CTIF: variants seen among roughly 807,000 people sequenced by gnomAD.
CTIF encodes the protein CBP80/20-dependent translation initiation factor.
In CTIF, 21 loss-of-function variants were observed where a neutral mutation model predicts 66.0. The ratio of observed to expected loss-of-function variants is 0.32; its 90% confidence interval spans 0.23 to 0.46. The LOEUF (loss-of-function observed/expected upper bound fraction) is 0.46. CTIF is among the 20% of genes least tolerant of loss of function. The probability of loss-of-function intolerance (pLI) is 1.00; values close to 1 mark genes in which losing one functional copy is unlikely to be tolerated. For missense variants in CTIF, 739 were observed against 812.7 expected (o/e 0.91, Z 1.10); for synonymous variants, 345 against 326.4 (o/e 1.06, Z -0.62).
At chr18:48,717,449 T>TAAA (rs1568161095) in intron 7 of CTIF, among the ~76,000 whole-genome samples, 4 of 142,374 alleles carry the variant, frequency 2.8e-5, no homozygotes, top group Non-Finnish European at 6.2e-5. Flanking sequence ...AAATAAATAA[T>TAAA]AAGAATTTTG....
At chr18:48,757,846 G>A in intron 7 of CTIF, 73 bp from the exon 8 acceptor site, 1 of 1,528,312 alleles carries the variant, frequency 6.5e-7, no homozygotes, top group Non-Finnish European at 8.8e-7. Flanking sequence ...TTCCTGTTCT[G>A]GCGGCTGGGC....
At chr18:48,775,942 C>T (rs1281065675) in intron 9 of CTIF, among the ~76,000 whole-genome samples, 2 of 152,202 alleles carry the variant, frequency 1.3e-5, no homozygotes, top group African/African-American at 2.4e-5. Flanking sequence ...CACACTGGCC[C>T]GTTCATTTTG....
intron 1 of CTIF, among the ~76,000 whole-genome samples, chr18:48,563,762 G>A (rs1372656975): frequency 3.3e-5 from 5 of 152,188 alleles, no homozygotes; most frequent in Non-Finnish European, 2.9e-5. Flanking sequence ...GTGAGCCACC[G>A]TGCCTGGCCC....
At chr18:48,765,091 A>G (rs944773358) in intron 9 of CTIF, among the ~76,000 whole-genome samples, 1 of 152,162 alleles carries the variant, frequency 6.6e-6, no homozygotes, top group Admixed American at 6.5e-5. Flanking sequence ...CAAACCCGAG[A>G]GGTGCAAGAA....
intron 1 of CTIF, among the ~76,000 whole-genome samples, chr18:48,543,108 A>G (rs997446290): frequency 6.6e-6 from 1 of 152,198 alleles, no homozygotes; most frequent in Admixed American, 6.5e-5. Context: ...GTCTGGTCCC[A>G]GATATTGTCC....
chr18:48,813,451 A>G (rs1302291077), intron 9 of CTIF, among the ~76,000 whole-genome samples: 1 of 152,070 alleles, frequency 6.6e-6, no homozygotes, highest in Non-Finnish European at 1.5e-5. Context: ...TGTAGATGCC[A>G]TATTGCTCTG....
intron 10 of CTIF, among the ~76,000 whole-genome samples, chr18:48,824,354 T>G (rs2146386383): frequency 7.0e-6 from 1 of 142,168 alleles, no homozygotes; most frequent in Non-Finnish European, 1.6e-5. Context: ...GGGGTGCAAT[T>G]ATTGTTTATG....
At chr18:48,769,237 G>A (rs2145947042) in intron 9 of CTIF, among the ~76,000 whole-genome samples, 1 of 152,336 alleles carries the variant, frequency 6.6e-6, no homozygotes, top group East Asian at 1.9e-4. Flanking sequence ...CCCAGGGATA[G>A]AAGCACATTG....
intron 1 of CTIF, among the ~76,000 whole-genome samples, chr18:48,562,978 G>T (rs1429735316): frequency 6.6e-6 from 1 of 152,286 alleles, no homozygotes; most frequent in African/African-American, 2.4e-5. Context: ...AGATATTGAC[G>T]CTGAAAGGAG....
intron 1 of CTIF, among the ~76,000 whole-genome samples, chr18:48,591,442 C>T (rs559709056): frequency 2.6e-5 from 4 of 152,324 alleles, no homozygotes; most frequent in Non-Finnish European, 5.9e-5. Flanking sequence ...GTCCCTGGCC[C>T]CACGTCCAGT....
intron 9 of CTIF, among the ~76,000 whole-genome samples, chr18:48,762,901 T>C (rs997622285): frequency 6.6e-6 from 1 of 152,110 alleles, no homozygotes; most frequent in Non-Finnish European, 1.5e-5. Flanking sequence ...CCCTCTCCTC[T>C]GCATGTGAGT....
chr18:48,789,784 A>T (rs975229663), intron 9 of CTIF, among the ~76,000 whole-genome samples: 3 of 152,232 alleles, frequency 2.0e-5, no homozygotes, highest in Admixed American at 6.5e-5. Context: ...TTAGAAGTAT[A>T]AATTAAGGGC....
chr18:48,582,956 G>T (rs796887627), intron 1 of CTIF, among the ~76,000 whole-genome samples: 8 of 152,308 alleles, frequency 5.3e-5, no homozygotes, highest in African/African-American at 1.9e-4. Context: ...CTGCAGAATC[G>T]CTTTCATCAT....
At chr18:48,782,736 G>A (rs1030356529) in intron 9 of CTIF, among the ~76,000 whole-genome samples, 1 of 152,182 alleles carries the variant, frequency 6.6e-6, no homozygotes, top group African/African-American at 2.4e-5. Flanking sequence ...CCTCGGCTTG[G>A]GTTCCCTCCT....
chr18:48,688,331 G>C (rs2091875717), intron 6 of CTIF: 1 of 152,250 alleles, frequency 6.6e-6, no homozygotes, highest in Non-Finnish European at 1.5e-5. Flanking sequence ...CCCTGATGTG[G>C]AGGATAAAGC....
chr18:48,859,689 T>C lies in CTIF; in HGVS notation c.*130T>C. 1 of 838,680 alleles carries C rather than the reference T, an allele frequency of 1.2e-6. No individual in the cohort carries two copies. 52.0% of individuals were successfully genotyped at this position (838,680 alleles called of 1,614,324 possible). ...TGGGGAGGAGGGCAGGCAGAGTCGG[T>C]GGCCAGTCTGGAGCCAGACGGGGAA... is the stretch of plus-strand genomic sequence containing the variant. On this transcript the variant is annotated 3_prime_UTR_variant, in exon 12 of 12. Transcript: ENST00000256413.
intron 2 of CTIF, among the ~76,000 whole-genome samples, chr18:48,623,917 T>C (rs1378280628): frequency 6.6e-6 from 1 of 152,008 alleles, no homozygotes; most frequent in Non-Finnish European, 1.5e-5. Flanking sequence ...AGATAGATAA[T>C]ACATAGATAA....
intron 3 of CTIF, among the ~76,000 whole-genome samples, chr18:48,647,038 AGCT>A (rs2091051640): frequency 6.6e-6 from 1 of 152,208 alleles, no homozygotes; most frequent in Non-Finnish European, 1.5e-5. Context: ...TGTTTGTAGC[AGCT>A]TTGTTCACAA....
chr18:48,698,141 A>T (rs946469937), intron 6 of CTIF, among the ~76,000 whole-genome samples: 1 of 113,706 alleles, frequency 8.8e-6, no homozygotes, highest in South Asian at 2.8e-4. Context: ...AAAAAAAAAA[A>T]GCAAACTCCC....
Sources: allele counts gnomAD v4.1 joint callset (sites outside exome capture counted in the v4.1 genomes callset), GRCh38; gene constraint gnomAD v4.1.1; transcripts MANE v1.5; gene names NCBI Gene and HGNC (gene_info 2026-07-23, HGNC 2026-07-21).